CAMK2B: variants seen among roughly 807,000 people sequenced by gnomAD.
CAMK2B encodes calcium/calmodulin dependent protein kinase II beta, also known as calcium/calmodulin-dependent protein kinase type II subunit beta.
In CAMK2B, 27 loss-of-function variants were observed where a neutral mutation model predicts 93.7. That is an observed-to-expected ratio of 0.29 (90% confidence interval 0.21 to 0.40). The LOEUF (loss-of-function observed/expected upper bound fraction) is 0.40, where lower values mean the gene tolerates loss of function less well. Among genes scored for constraint, CAMK2B ranks in the 10% least tolerant of loss-of-function variants. CAMK2B has a pLI of 1.00. For missense variants in CAMK2B, 568 were observed against 895.8 expected, an observed-to-expected ratio of 0.63 and a Z score of 4.67; for synonymous variants, 374 against 358.8, an observed-to-expected ratio of 1.04 and a Z score of -0.48.
intron 20 of CAMK2B, chr7:44,226,041 C>T: frequency 1.9e-6 from 1 of 535,184 alleles, no homozygotes; most frequent in Non-Finnish European, 3.0e-6. Context: ...TCCGCGCCTC[C>T]CGATCCCCAC....
At chr7:44,323,823 T>A (rs200698831) in intron 1 of CAMK2B, 145 of 156,160 alleles carry the variant, frequency 9.3e-4, no homozygotes, top group Non-Finnish European at 1.7e-3. Context: ...GCCCCTCCAG[T>A]GGCCAGGACA....
At chr7:44,229,220 G>A in intron 18 of CAMK2B, 168 bp downstream of exon 18, 2 of 611,580 alleles carry the variant, frequency 3.3e-6, no homozygotes, top group Non-Finnish European at 5.9e-6. Context: ...AAAGAGGTGG[G>A]GCTCGATGGG....
chr7:44,288,238 G>A, intron 1 of CAMK2B, among the ~76,000 whole-genome samples: 1 of 152,272 alleles, frequency 6.6e-6, no homozygotes, highest in Middle Eastern at 3.2e-3. Context: ...CCAGCGCACA[G>A]AGGCTCGAAG....
chr7:44,321,266 G>A (rs1386647926), intron 1 of CAMK2B, among the ~76,000 whole-genome samples: 2 of 151,932 alleles, frequency 1.3e-5, no homozygotes, highest in African/African-American at 2.4e-5. Context: ...TGTGCCTCTC[G>A]GCAGAAGGCA....
chr7:44,217,324 G>T lies in CAMK2B; in HGVS notation c.*2201C>A, dbSNP rs2096357033. On this transcript the variant is annotated 3_prime_UTR_variant, in exon 24 of 24. Coordinates refer to ENST00000395749, the MANE Select transcript of CAMK2B (RefSeq NM_001220.5). Reference sequence around the variant, plus strand: ...CCGACCCCTTGCAGCGCTGGCCAGCGGCCGCCACCACCACACCGCGGACAC... The same window carrying T: ...CCGACCCCTTGCAGCGCTGGCCAGCTGCCGCCACCACCACACCGCGGACAC... The T allele has an allele frequency of 6.6e-6, 1 of 152,374 alleles. No homozygotes were observed. 9.4% of individuals were successfully genotyped at this position (152,374 alleles called of 1,614,324 possible).
At chr7:44,274,469 C>T (rs752328236) in intron 2 of CAMK2B, among the ~76,000 whole-genome samples, 25 of 152,334 alleles carry the variant, frequency 1.6e-4, no homozygotes, top group Non-Finnish European at 3.1e-4. Context: ...TTCCCAAGCT[C>T]GGTTCCCACC....
At chr7:44,324,101 G>C (rs1348326923) in intron 1 of CAMK2B, 1 of 152,542 alleles carries the variant, frequency 6.6e-6, no homozygotes, top group African/African-American at 2.4e-5. Flanking sequence ...CACACGTGCA[G>C]GGAGAAGTGG....
intron 6 of CAMK2B, among the ~76,000 whole-genome samples, chr7:44,243,728 A>G (rs1490535162): frequency 6.6e-6 from 1 of 152,186 alleles, no homozygotes; most frequent in Non-Finnish European, 1.5e-5. Flanking sequence ...GCAACCCCAC[A>G]GCCCCTCTGC....
intron 2 of CAMK2B, among the ~76,000 whole-genome samples, chr7:44,268,306 C>G (rs2096938575): frequency 1.3e-5 from 2 of 152,236 alleles, no homozygotes; most frequent in African/African-American, 4.8e-5. Context: ...TGGGTGGTGC[C>G]TGCCTGGTGG....
chr7:44,278,861 G>A (rs2097076491), intron 2 of CAMK2B, among the ~76,000 whole-genome samples: 1 of 152,238 alleles, frequency 6.6e-6, no homozygotes, highest in African/African-American at 2.4e-5. Context: ...CAAAGCCGGG[G>A]TGGTAGGGCC....
At chr7:44,245,093 C>T (rs1562883718) in intron 6 of CAMK2B, 3 of 395,932 alleles carry the variant, frequency 7.6e-6, no homozygotes, top group South Asian at 1.8e-5. Flanking sequence ...TGCTGCATGT[C>T]CCCCCTCCCC....
chr7:44,242,140 G>C (rs2096685895), intron 10 of CAMK2B, 78 bp downstream of exon 10: 1 of 1,520,462 alleles, frequency 6.6e-7, no homozygotes, highest in African/African-American at 1.4e-5. Flanking sequence ...ACCCTCTTGG[G>C]GTCCTTGCCA....
In CAMK2B at chr7:44,243,503, T is replaced by C; in HGVS notation, c.439A>G (p.Lys147Glu). ...AGCTTCACTGCAGCCCCTTTGCACT[T>C]GCTGGCCAGAAGCAGGTTCTCCGGC... is the stretch of plus-strand genomic sequence containing the variant. ...LKPENLLLAS[K>E]CKGAAVKLAD... The change falls in exon 7 of 24, where the codon AAG becomes GAG. Residue 147 changes from lysine to glutamate, a missense_variant. Lys to Glu is a moderately conservative substitution (Grantham distance 56). This residue lies in a region of CAMK2B where 105 missense variants were observed against 372.4 expected (regional missense o/e 0.28). Transcript: ENST00000395749. The C allele has an allele frequency of 6.2e-7, 1 of 1,614,052 alleles. No homozygotes were observed. Among genetic ancestry groups the C allele is most frequent in the Non-Finnish European group, 8.5e-7 (1 of 1,180,006 alleles).
chr7:44,234,770 C>T, intron 13 of CAMK2B, 94 bp from the exon 14 acceptor site: 2 of 1,358,672 alleles, frequency 1.5e-6, no homozygotes, highest in Non-Finnish European at 2.1e-6. Context: ...ACTCTTTCCC[C>T]AGGAGCAAGC....
chr7:44,322,490 A>G (rs1167569483), intron 1 of CAMK2B, among the ~76,000 whole-genome samples: 1 of 152,166 alleles, frequency 6.6e-6, no homozygotes, highest in Admixed American at 6.5e-5. Flanking sequence ...TATTTCTGGG[A>G]TTTTTCTGGA....
chr7:44,261,075 C>A (rs1162857798), intron 3 of CAMK2B, among the ~76,000 whole-genome samples: 1 of 152,208 alleles, frequency 6.6e-6, no homozygotes, highest in Non-Finnish European at 1.5e-5. Context: ...CTCACTAGGT[C>A]CCCTGGACCC....
intron 1 of CAMK2B, among the ~76,000 whole-genome samples, chr7:44,309,761 G>C (rs1374415705): frequency 6.6e-6 from 1 of 152,256 alleles, no homozygotes; most frequent in African/African-American, 2.4e-5. Flanking sequence ...AAAAGCCAGA[G>C]ACACCAGCCC....
rs761380561 is a variant in CAMK2B at position 44,220,861 on chromosome 7, G to A, written c.1638C>T (p.Ile546=). 6 of 1,573,098 alleles carry A rather than the reference G, an allele frequency of 3.8e-6. No homozygotes were observed. Among genetic ancestry groups the A allele is most frequent in the Admixed American group, 1.8e-5 (1 of 54,064 alleles). The change falls in exon 21 of 24, where the codon ATC becomes ATT. Residue 546 remains isoleucine (I), a synonymous_variant. Transcript: ENST00000395749. Reference sequence around the variant, plus strand: ...CAAAGTCACCGTTGTTGACGGCCTCGATGAGCTGCTCCGTGGTCTTAATGA... The same window carrying A: ...CAAAGTCACCGTTGTTGACGGCCTCAATGAGCTGCTCCGTGGTCTTAATGA... ...QEIIKTTEQL[I]EAVNNGDFEA...
In CAMK2B at chr7:44,313,707, G is replaced by A. The variant is rs570987389; in HGVS notation, c.65+11650C>T. Among the ~76,000 whole-genome samples the A allele has an allele frequency of 1.4e-4, 21 of 146,622 alleles. 1 individual carries two copies. The highest frequency in any genetic ancestry group is 9.8e-4 in the Admixed American group (14 of 14,286). On this transcript the variant is annotated intron_variant, in intron 1 of 23. Coordinates refer to ENST00000395749, the MANE Select transcript of CAMK2B (RefSeq NM_001220.5). The stretch of plus-strand genomic sequence containing the variant: ...GTCCCTGAACTCCAGGTCAGAACCC[G>A]CCCCAGGCCCAGCTTATGTGAGGGC...
Sources: gnomAD v4.1 joint callset for allele counts (sites outside exome capture counted in the v4.1 genomes callset) on GRCh38, gnomAD v4.1.1 for gene constraint, gnomAD v4.1.1 regional missense constraint, MANE v1.5 for transcripts, NCBI Gene and HGNC (gene_info 2026-07-23, HGNC 2026-07-21) for gene names.